The following CLYBL variants were observed in gnomAD, a reference collection of about 807,000 sequenced individuals.
CLYBL encodes the protein citramalyl-CoA lyase.
A neutral mutation model predicts 38.9 loss-of-function variants in CLYBL; 31 were observed. The ratio of observed to expected loss-of-function variants is 0.80; its 90% CI spans 0.60 to 1.08. The LOEUF is 1.08. Among genes scored for constraint, CLYBL ranks in the 50% least tolerant of loss-of-function variants. The pLI is 0.00. For missense variants in CLYBL, 434 were observed against 411.6 expected (o/e 1.05, Z -0.47); for synonymous variants, 171 against 158.6 (o/e 1.08, Z -0.59).
At chr13:99,703,908 A>G (rs753000769) in intron 1 of CLYBL, among the ~76,000 whole-genome samples, 1 of 152,236 alleles carries the variant, frequency 6.6e-6, no homozygotes, top group African/African-American at 2.4e-5. Context: ...TATAGCATGC[A>G]TAAAGATTTA....
exon 10 of CLYBL, among the ~76,000 whole-genome samples, chr13:99,909,202 G>A (rs953675215): frequency 6.6e-6 from 1 of 152,202 alleles, no homozygotes; most frequent in Non-Finnish European, 1.5e-5. Context: ...GCTGCACTGT[G>A]TCATTTAATC....
At chr13:99,672,653 A>G (rs1048618456) in intron 1 of CLYBL, among the ~76,000 whole-genome samples, 2 of 150,714 alleles carry the variant, frequency 1.3e-5, no homozygotes, top group Admixed American at 6.6e-5. Flanking sequence ...GTGTGTGCCT[A>G]TAGTCCCAGC....
intron 1 of CLYBL, among the ~76,000 whole-genome samples, chr13:99,625,521 A>T (rs775041386): frequency 2.0e-5 from 3 of 152,222 alleles, no homozygotes; most frequent in Non-Finnish European, 4.4e-5. Flanking sequence ...TTAATGAAGG[A>T]TAAGAAACTT....
chr13:99,772,625 A>T (rs1201478605), intron 1 of CLYBL, among the ~76,000 whole-genome samples, 199 bp from the exon 2 acceptor site: 1 of 150,714 alleles, frequency 6.6e-6, no homozygotes, highest in Non-Finnish European at 1.5e-5. Context: ...CTGAGCCTGG[A>T]GGTGGAGGTT....
At chr13:99,793,933 TTTATA>T (rs1458761027) in intron 2 of CLYBL, among the ~76,000 whole-genome samples, 1 of 151,662 alleles carries the variant, frequency 6.6e-6, no homozygotes, top group Non-Finnish European at 1.5e-5. Context: ...GATTCAAAGC[TTTATA>T]AATGTGGAAA....
At chr13:99,817,372 G>A (rs1240866564) in intron 2 of CLYBL, among the ~76,000 whole-genome samples, 1 of 152,144 alleles carries the variant, frequency 6.6e-6, no homozygotes, top group East Asian at 1.9e-4. Context: ...GAAAACTTAA[G>A]CACTGGCCGG....
intron 1 of CLYBL, among the ~76,000 whole-genome samples, chr13:99,672,074 T>C (rs889932467): frequency 2.0e-5 from 3 of 152,236 alleles, no homozygotes; most frequent in South Asian, 2.1e-4. Flanking sequence ...TACAGTTCCT[T>C]TATACAGAGC....
intron 2 of CLYBL, among the ~76,000 whole-genome samples, chr13:99,833,037 T>TA (rs2050853131): frequency 1.8e-5 from 1 of 56,326 alleles, no homozygotes; most frequent in Non-Finnish European, 3.7e-5. Flanking sequence ...TATATTTTTT[T>TA]TTTTTTTTTT....
intron 1 of CLYBL, among the ~76,000 whole-genome samples, chr13:99,614,772 A>AG (rs899277022): frequency 2.5e-5 from 3 of 118,814 alleles, no homozygotes; most frequent in Non-Finnish European, 6.2e-5. Flanking sequence ...CCAAGGAGTC[A>AG]GGGGGGGAGG....
intron 3 of CLYBL, among the ~76,000 whole-genome samples, chr13:99,862,559 C>T (rs1327901655): frequency 4.6e-5 from 7 of 152,212 alleles, no homozygotes; most frequent in Non-Finnish European, 1.5e-5. Flanking sequence ...ACGTAGAAGG[C>T]TGCTGAACAG....
At chr13:99,816,345 G>A (rs1438846208) in intron 2 of CLYBL, among the ~76,000 whole-genome samples, 8 of 152,222 alleles carry the variant, frequency 5.3e-5, no homozygotes, top group African/African-American at 1.7e-4. Flanking sequence ...ATATTTTGAT[G>A]TGCTATTTAG....
At chr13:99,777,174 C>T (rs2049535421) in intron 2 of CLYBL, among the ~76,000 whole-genome samples, 1 of 151,634 alleles carries the variant, frequency 6.6e-6, no homozygotes, top group Non-Finnish European at 1.5e-5. Flanking sequence ...CACCCAGCCC[C>T]CACGCCCAAC....
downstream of CLYBL, among the ~76,000 whole-genome samples, chr13:99,901,633 T>C (rs1336284545): frequency 9.7e-6 from 1 of 102,628 alleles, no homozygotes; most frequent in Non-Finnish European, 2.0e-5. Context: ...TTTTGGTTTT[T>C]TGGATTTTTT....
intron 1 of CLYBL, among the ~76,000 whole-genome samples, chr13:99,707,427 G>A (rs1458711067): frequency 6.6e-6 from 1 of 151,774 alleles, no homozygotes; most frequent in Non-Finnish European, 1.5e-5. Context: ...GCGCCACCAC[G>A]CCCGGCTAAT....
chr13:99,608,528 C>G (rs1488178611), intron 1 of CLYBL, among the ~76,000 whole-genome samples: 1 of 152,158 alleles, frequency 6.6e-6, no homozygotes, highest in Admixed American at 6.5e-5. Flanking sequence ...GCAGCTCAGG[C>G]AGTGTATCCA....
chr13:99,674,103 ATAGCTACTAGAATTCGTTTTTTTT>A (rs1295732039), intron 1 of CLYBL, among the ~76,000 whole-genome samples: 1 of 142,744 alleles, frequency 7.0e-6, no homozygotes, highest in Non-Finnish European at 1.5e-5. Context: ...TGAATTTAAG[ATAGCTACTAGAATTCGTTTTTTTT>A]TAGCTACTAG....
chr13:99,699,789 C>T (rs1284903832), intron 1 of CLYBL, among the ~76,000 whole-genome samples: 4 of 151,292 alleles, frequency 2.6e-5, no homozygotes, highest in African/African-American at 4.9e-5. Flanking sequence ...GTCAGGAGTT[C>T]GAGACCATCC....
chr13:99,865,207 C>T lies in CLYBL; in HGVS notation c.634+296C>T, dbSNP rs1475705430. Reference sequence around the variant, plus strand: ...TCAGGAATATATGGCATCTCCTTTGCTCCTAATAAATATATTATGTGAACA... The same window carrying T: ...TCAGGAATATATGGCATCTCCTTTGTTCCTAATAAATATATTATGTGAACA... On this transcript the variant is annotated intron_variant, in intron 5 of 8. Transcript: ENST00000339105. This position sits in a 1 kb window ranked among gnomAD's most constrained non-coding sequence, Gnocchi z 4.7. 1 of 390,054 alleles carries T rather than the reference C, an allele frequency of 2.6e-6. No individual in the cohort carries two copies. The highest frequency in any genetic ancestry group is 3.6e-5 in the Admixed American group (1 of 27,600). The allele number at this position is 390,054 out of a possible 1,614,324, so 24.2% of individuals were successfully genotyped here. A position where few individuals can be genotyped will look rare whatever the true frequency, so the allele number is the denominator to read the frequency against.
chr13:99,892,998 C>T (rs2052522703), downstream of CLYBL: 1 of 152,328 alleles, frequency 6.6e-6, no homozygotes, highest in Non-Finnish European at 1.5e-5. Context: ...CTCTGGGGAT[C>T]CTCATTCTGT....
Sources: allele counts gnomAD v4.1 joint callset (sites outside exome capture counted in the v4.1 genomes callset), GRCh38; gene constraint gnomAD v4.1.1; non-coding constraint Gnocchi (gnomAD v3.1); transcripts MANE v1.5; gene names NCBI Gene and HGNC (gene_info 2026-07-23, HGNC 2026-07-21).